The following PDCD6 variants were observed in gnomAD, a reference collection of about 807,000 sequenced individuals.
The protein encoded by PDCD6 is programmed cell death 6, also known as programmed cell death protein 6.
A neutral mutation model predicts 28.3 loss-of-function variants in PDCD6; 12 were observed. The ratio of observed to expected loss-of-function variants is 0.42; its 90% CI spans 0.27 to 0.69. The LOEUF (loss-of-function observed/expected upper bound fraction) is 0.69, where lower values mean the gene tolerates loss of function less well. PDCD6 is among the 30% of genes least tolerant of loss of function. The pLI, the probability that PDCD6 is intolerant of heterozygous loss-of-function variation, is 0.22. For synonymous variants in PDCD6, 92 were observed against 108.0 expected (o/e 0.85, Z 0.92); for missense variants, 226 against 269.9 (o/e 0.84, Z 1.14).
chr5:276,430 A>C, intron 2 of PDCD6: 6 of 988,144 alleles, frequency 6.1e-6, no homozygotes, highest in Non-Finnish European at 7.2e-6. Context: ...CCTTGGATAA[A>C]CACATATCCT....
chr5:300,305 TG>T (rs1277185667), intron 2 of PDCD6, among the ~76,000 whole-genome samples: 1 of 152,236 alleles, frequency 6.6e-6, no homozygotes, highest in Non-Finnish European at 1.5e-5. Flanking sequence ...AGAGCCTCCC[TG>T]GTCCGCACCA....
chr5:282,776 T>C (rs1209161570), intron 2 of PDCD6, among the ~76,000 whole-genome samples: 1 of 151,964 alleles, frequency 6.6e-6, no homozygotes, highest in Non-Finnish European at 1.5e-5. Context: ...AGTTTGAGGG[T>C]CTTGCTGCTG....
intron 2 of PDCD6, among the ~76,000 whole-genome samples, chr5:302,491 C>T (rs1240734917): frequency 1.9e-5 from 1 of 53,364 alleles, no homozygotes; most frequent in Admixed American, 2.0e-4. Context: ...AGTGCTGCTG[C>T]TGTGTGTGTG....
At chr5:300,244 T>C (rs938162324) in intron 2 of PDCD6, among the ~76,000 whole-genome samples, 3 of 152,228 alleles carry the variant, frequency 2.0e-5, no homozygotes, top group Non-Finnish European at 4.4e-5. Flanking sequence ...GGCAAACACC[T>C]GCTTTCGCTG....
At chr5:309,543 G>A in intron 4 of PDCD6, 1 of 236,606 alleles carries the variant, frequency 4.2e-6, no homozygotes. Flanking sequence ...CCCCAGCCTT[G>A]GCAGGAGACC....
chr5:313,610 G>C (rs1221803383), intron 5 of PDCD6: 3 of 152,240 alleles, frequency 2.0e-5, no homozygotes, highest in African/African-American at 4.8e-5. Context: ...CCAGGCGAGA[G>C]TCACCACACC....
Position 314,553 on chromosome 5 carries a change from A to G in PDCD6, c.*38A>G. On this transcript the variant is annotated 3_prime_UTR_variant, in exon 6 of 6. Coordinates refer to ENST00000264933, the MANE Select transcript of PDCD6 (RefSeq NM_013232.4). Reference sequence around the variant, plus strand: ...GTGAAGAGCAGCACAACATGGAAAGAGCCAAAATGTCACAGTTCCTATCTG... The same window carrying G: ...GTGAAGAGCAGCACAACATGGAAAGGGCCAAAATGTCACAGTTCCTATCTG... 1 of 1,401,774 alleles carries G rather than the reference A, an allele frequency of 7.1e-7. No individual in the cohort carries two copies. Among genetic ancestry groups the G allele is most frequent in the Non-Finnish European group, 1.0e-6 (1 of 987,444 alleles). The allele number at this position is 1,401,774 out of a possible 1,614,324, so 86.8% of individuals were successfully genotyped here. A position where few individuals can be genotyped will look rare whatever the true frequency, so the allele number is the denominator to read the frequency against.
At position 305,958 on chromosome 5, in the gene PDCD6, A is replaced by G. The variant is rs1400304372; in HGVS notation, c.209-644A>G. ...TTGAAAAGAGACCACGTGATTTATC[A>G]TTTTCTCTGCAGCAGTAATTCACAC... On this transcript the variant is annotated intron_variant, in intron 3 of 5. Coordinates refer to ENST00000264933, the MANE Select transcript of PDCD6 (RefSeq NM_013232.4). The surrounding 1 kb of genome is among the most constrained non-coding windows in gnomAD (Gnocchi z 4.0). 1.3e-5 allele frequency: 2 copies of G among 153,026 alleles called. No homozygotes were observed. Among genetic ancestry groups the G allele is most frequent in the Admixed American group, 6.5e-5 (1 of 15,472 alleles). 9.5% of individuals were successfully genotyped at this position (153,026 alleles called of 1,614,324 possible).
intron 2 of PDCD6, chr5:276,867 A>G: frequency 1.0e-6 from 1 of 985,304 alleles, no homozygotes; most frequent in African/African-American, 1.7e-5. Flanking sequence ...GCTCTCAGGG[A>G]GGTCTGTGGT....
intron 2 of PDCD6, among the ~76,000 whole-genome samples, chr5:296,597 C>T (rs1739627217): frequency 6.6e-6 from 1 of 152,196 alleles, no homozygotes; most frequent in Non-Finnish European, 1.5e-5. Context: ...GCAGCAAAAA[C>T]ACACGCTGCT....
chr5:302,463 C>G (rs1740151112), intron 2 of PDCD6, among the ~76,000 whole-genome samples: 1 of 107,578 alleles, frequency 9.3e-6, no homozygotes, highest in Non-Finnish European at 1.7e-5. Context: ...TGCATAACTG[C>G]TGGAGGGCGG....
At chr5:284,565 C>G (rs568455723) in intron 2 of PDCD6, among the ~76,000 whole-genome samples, 1 of 151,802 alleles carries the variant, frequency 6.6e-6, no homozygotes, top group African/African-American at 2.4e-5. Context: ...TGAGACCCAG[C>G]GGGAAGCTGA....
rs533599020 is a variant in PDCD6 at position 286,863 on chromosome 5, A to G, written c.163+14091A>G. Among the ~76,000 whole-genome samples, 30 of 152,262 alleles carry G rather than the reference A, an allele frequency of 2.0e-4. No homozygotes were observed. The South Asian group carries it at 2.7e-3, about 14-fold the overall frequency. On this transcript the variant is annotated intron_variant, in intron 2 of 5. Transcript: ENST00000264933. ...GAGCTGGAGTCTATGTGAGGAGCCA[A>G]TGCTGCCTCTGATGTCTTAGGTTGT...
chr5:311,016 A>G (rs1740876883), intron 4 of PDCD6: 1 of 389,448 alleles, frequency 2.6e-6, no homozygotes, highest in Admixed American at 4.6e-5. Context: ...TAGTTAATTC[A>G]CAGGAGTGAC....
chr5:295,073 C>T (rs747770010), intron 2 of PDCD6, among the ~76,000 whole-genome samples: 1 of 152,158 alleles, frequency 6.6e-6, no homozygotes, highest in Non-Finnish European at 1.5e-5. Flanking sequence ...CTGCACCTCA[C>T]TGTGGGCTGC....
intron 2 of PDCD6, among the ~76,000 whole-genome samples, chr5:299,861 T>TG (rs1165356670): frequency 2.6e-5 from 4 of 151,698 alleles, no homozygotes; most frequent in African/African-American, 9.7e-5. Flanking sequence ...TATTTTTTTT[T>TG]TTATTTTTTT....
At chr5:304,603 T>A (rs1740347687) in intron 3 of PDCD6, 1 of 164,466 alleles carries the variant, frequency 6.1e-6, no homozygotes, top group African/African-American at 2.4e-5. Flanking sequence ...TATGATAGTC[T>A]TCAGTTTTAA....
chr5:301,932 C>A (rs1252993328), intron 2 of PDCD6, among the ~76,000 whole-genome samples: 2 of 148,730 alleles, frequency 1.3e-5, no homozygotes, highest in African/African-American at 5.0e-5. Flanking sequence ...AAGAGCACAG[C>A]TTCCCTGCAT....
intron 2 of PDCD6, among the ~76,000 whole-genome samples, chr5:283,752 G>T (rs1390070080): frequency 3.3e-5 from 5 of 151,612 alleles, no homozygotes; most frequent in Admixed American, 6.6e-5. Context: ...AGGAGCTGAT[G>T]TTCTAGTTTG....
Sources: allele counts gnomAD v4.1 joint callset (sites outside exome capture counted in the v4.1 genomes callset), GRCh38; gene constraint gnomAD v4.1.1; non-coding constraint Gnocchi (gnomAD v3.1); transcripts MANE v1.5; gene names NCBI Gene and HGNC (gene_info 2026-07-23, HGNC 2026-07-21).